PTPRD: variants seen among roughly 807,000 people sequenced by gnomAD.
PTPRD encodes the protein protein tyrosine phosphatase receptor type D.
A neutral mutation model predicts 214.5 loss-of-function variants in PTPRD; 34 were observed. The ratio of observed to expected loss-of-function variants is 0.16; its 90% confidence interval spans 0.12 to 0.21. The LOEUF is 0.21. Among genes scored for constraint, PTPRD ranks in the 10% least tolerant of loss-of-function variants. The probability of loss-of-function intolerance (pLI) is 1.00; values close to 1 mark genes in which losing one functional copy is unlikely to be tolerated. For synonymous variants in PTPRD, 1,128 were observed against 845.7 expected (o/e 1.33, Z -5.79); for missense variants, 2,545 against 2,398.7 (o/e 1.06, Z -1.27).
At position 8,986,533 on chromosome 9, in the gene PTPRD, T is replaced by TA. The variant is rs770980442; in HGVS notation, c.-104+32163dup. On this transcript the variant is annotated intron_variant, in intron 11 of 45. Coordinates refer to ENST00000381196, the MANE Select transcript of PTPRD (RefSeq NM_002839.4). ...TTACTTTTCATTCAACAGTTTATCA[T>TA]AAAAATCTACTTTTGTTAATTTAAA... 1.9e-3 allele frequency among the ~76,000 whole-genome samples: 296 copies of TA among 151,982 alleles called. 1 individual carries two copies. Among genetic ancestry groups the TA allele is most frequent in the Non-Finnish European group, 3.1e-3 (212 of 67,918 alleles).
intron 11 of PTPRD, among the ~76,000 whole-genome samples, chr9:8,926,120 C>T (rs911037706): frequency 1.3e-5 from 2 of 152,014 alleles, no homozygotes; most frequent in Admixed American, 6.6e-5. Context: ...AGGCCCTTAA[C>T]ATGACGTGCC....
At position 9,442,726 on chromosome 9, in the gene PTPRD, A is replaced by C. The variant is rs370932562; in HGVS notation, c.-236-45244T>G. ...AAATCAAAAGCTGAAGAAACAGAGAATGTTGCCATTGATCAAAAAACCAGA... is the reference window on the plus strand; with the variant it reads ...AAATCAAAAGCTGAAGAAACAGAGACTGTTGCCATTGATCAAAAAACCAGA... On this transcript the variant is annotated intron_variant, in intron 8 of 45. Coordinates refer to ENST00000381196, the MANE Select transcript of PTPRD (RefSeq NM_002839.4). Among the ~76,000 whole-genome samples, 16 of 152,300 alleles carry C rather than the reference A, an allele frequency of 1.1e-4. No homozygotes were observed. In the East Asian group the frequency reaches 3.1e-3, roughly 29 times the overall value.
chr9:8,871,070 C>T (rs1222204514), intron 11 of PTPRD, among the ~76,000 whole-genome samples: 1 of 152,204 alleles, frequency 6.6e-6, no homozygotes, highest in African/African-American at 2.4e-5. Context: ...AATAAGTACA[C>T]GTGTTGCTAG....
intron 30 of PTPRD, among the ~76,000 whole-genome samples, chr9:8,471,301 G>A (rs1156637522): frequency 1.3e-5 from 2 of 151,984 alleles, no homozygotes; most frequent in African/African-American, 2.4e-5. Flanking sequence ...ATCTTGTATG[G>A]TAATATCATC....
At chr9:8,376,850 C>T (rs574277168) in intron 37 of PTPRD, 124 bp from the exon 38 acceptor site, 1 of 1,334,694 alleles carries the variant, frequency 7.5e-7, no homozygotes, top group East Asian at 2.4e-5. Context: ...CTTTTTCTGG[C>T]ATGCATTTTT....
At chr9:9,215,310 C>G (rs147784022) in intron 9 of PTPRD, among the ~76,000 whole-genome samples, 2 of 151,980 alleles carry the variant, frequency 1.3e-5, no homozygotes, top group African/African-American at 2.4e-5. Flanking sequence ...ACTTGTTCAC[C>G]GGGAAAGTTA....
intron 10 of PTPRD, among the ~76,000 whole-genome samples, chr9:9,159,008 A>C (rs2099883891): frequency 6.6e-6 from 1 of 152,170 alleles, no homozygotes; most frequent in South Asian, 2.1e-4. Context: ...AAAATTCAAC[A>C]CTCTTTCATA....
At chr9:9,066,847 A>G (rs1440464702) in intron 10 of PTPRD, among the ~76,000 whole-genome samples, 1 of 152,222 alleles carries the variant, frequency 6.6e-6, no homozygotes, top group Non-Finnish European at 1.5e-5. Flanking sequence ...ATTTTGACCC[A>G]GTGACTCTGA....
At chr9:8,722,832 C>G (rs943731428) in intron 12 of PTPRD, among the ~76,000 whole-genome samples, 1 of 152,150 alleles carries the variant, frequency 6.6e-6, no homozygotes, top group Non-Finnish European at 1.5e-5. Context: ...CCAGAGATAA[C>G]GAGCTAAAAG....
chr9:10,032,111 C>G (rs185345835), intron 4 of PTPRD, among the ~76,000 whole-genome samples: 1 of 152,140 alleles, frequency 6.6e-6, no homozygotes, highest in Non-Finnish European at 1.5e-5. Context: ...GGGAAGATCT[C>G]GATTAATACT....
chr9:10,522,221 C>A (rs2052574023), intron 2 of PTPRD, among the ~76,000 whole-genome samples: 1 of 152,144 alleles, frequency 6.6e-6, no homozygotes, highest in African/African-American at 2.4e-5. Context: ...TAAGGAGTCT[C>A]TGAAGGGACT....
intron 3 of PTPRD, among the ~76,000 whole-genome samples, chr9:10,225,945 T>A (rs10809036): frequency 0.48 from 72,792 of 151,940 alleles, 20,134 homozygotes; most frequent in Non-Finnish European, 0.61. Context: ...GAACTTATTT[T>A]ACCTTATGCC....
At position 9,245,771 on chromosome 9, in the gene PTPRD, T is replaced by C. The variant is rs10977612; in HGVS notation, c.-202-62408A>G. ...GTACCCTAAAACTAAATATATACAA[T>C]GTAAAAATAAATATATACAATGTCC... is the stretch of plus-strand genomic sequence containing the variant. On this transcript the variant is annotated intron_variant, in intron 9 of 45. Coordinates refer to ENST00000381196, the MANE Select transcript of PTPRD (RefSeq NM_002839.4). 1.5e-4 allele frequency among the ~76,000 whole-genome samples: 23 copies of C among 152,232 alleles called. No homozygotes were observed. The East Asian group carries it at 3.7e-3, about 24-fold the overall frequency.
chr9:10,120,199 T>A (rs960671823), intron 3 of PTPRD, among the ~76,000 whole-genome samples: 1 of 152,080 alleles, frequency 6.6e-6, no homozygotes, highest in African/African-American at 2.4e-5. Context: ...TTTGTGCAAA[T>A]GAATTACTTG....
chr9:10,419,335 C>T (rs1172984261), intron 2 of PTPRD, among the ~76,000 whole-genome samples: 12 of 151,976 alleles, frequency 7.9e-5, no homozygotes, highest in Non-Finnish European at 2.9e-5. Flanking sequence ...GGTCGCTTCT[C>T]TCCTAACATT....
chr9:8,794,720 G>C (rs2096356972), intron 11 of PTPRD, among the ~76,000 whole-genome samples: 1 of 151,998 alleles, frequency 6.6e-6, no homozygotes, highest in Admixed American at 6.6e-5. Flanking sequence ...TGGTTTCAAA[G>C]AGATTTTAAG....
intron 11 of PTPRD, among the ~76,000 whole-genome samples, chr9:8,820,786 CAA>C (rs1307073097): frequency 6.6e-6 from 1 of 152,088 alleles, no homozygotes; most frequent in Non-Finnish European, 1.5e-5. Flanking sequence ...ACACAAGACT[CAA>C]AGAGTAGAGT....
At chr9:9,346,413 G>A (rs192851771) in intron 9 of PTPRD, among the ~76,000 whole-genome samples, 5 of 152,172 alleles carry the variant, frequency 3.3e-5, no homozygotes, top group Admixed American at 2.0e-4. Context: ...TGTTAAAAAT[G>A]TACAAAGTTA....
intron 3 of PTPRD, among the ~76,000 whole-genome samples, chr9:10,281,783 G>A (rs1486538138): frequency 1.3e-5 from 2 of 152,106 alleles, no homozygotes; most frequent in African/African-American, 4.8e-5. Flanking sequence ...AACACGTACT[G>A]AAGGTCAGGA....
Sources: gnomAD v4.1 joint callset for allele counts (sites outside exome capture counted in the v4.1 genomes callset) on GRCh38, gnomAD v4.1.1 for gene constraint, MANE v1.5 for transcripts, NCBI Gene and HGNC (gene_info 2026-07-23, HGNC 2026-07-21) for gene names.